The following CEP41 variants were observed in gnomAD, a reference collection of about 807,000 sequenced individuals.
The protein encoded by CEP41 is centrosomal protein of 41 kDa.
Under a neutral mutation model 44.3 loss-of-function variants are expected in CEP41, and 32 were observed. That is an observed-to-expected ratio of 0.72 (90% CI 0.54 to 0.97). The LOEUF (loss-of-function observed/expected upper bound fraction) is 0.97. CEP41 is among the 50% of genes least tolerant of loss of function. The pLI is 0.00. For missense variants in CEP41, 432 were observed against 455.2 expected (o/e 0.95, Z 0.46); for synonymous variants, 151 against 168.5 (o/e 0.90, Z 0.80).
At chr7:130,432,104 TGAA>T (rs1351941589) in intron 1 of CEP41, among the ~76,000 whole-genome samples, 1 of 152,062 alleles carries the variant, frequency 6.6e-6, no homozygotes, top group Admixed American at 6.6e-5. Context: ...GAGGGGTCAC[TGAA>T]GAAGTTTGAA....
chr7:130,428,677 G>T (rs1213813554), intron 1 of CEP41, among the ~76,000 whole-genome samples: 1 of 151,394 alleles, frequency 6.6e-6, no homozygotes, highest in Non-Finnish European at 1.5e-5. Context: ...ACTTTGGGAG[G>T]CCGAGGCAGG....
intron 2 of CEP41, chr7:130,421,131 C>G: frequency 1.0e-6 from 1 of 985,318 alleles, no homozygotes; most frequent in Non-Finnish European, 1.2e-6. Context: ...ACTATAGCAA[C>G]AGTGCTGTGC....
At chr7:130,426,085 G>A (rs1554423411) in intron 2 of CEP41, among the ~76,000 whole-genome samples, 1 of 152,216 alleles carries the variant, frequency 6.6e-6, no homozygotes, top group African/African-American at 2.4e-5. Flanking sequence ...TGTATCAAAT[G>A]TCAATATCAC....
intron 2 of CEP41, chr7:130,421,651 A>C: frequency 1.9e-6 from 2 of 1,057,062 alleles, no homozygotes; most frequent in South Asian, 8.9e-5. Flanking sequence ...TAATAAAAGG[A>C]AGGTGAATTT....
Position 130,400,827 on chromosome 7 carries a change from AG to A in CEP41, c.643-7del. 6.3e-7 allele frequency: 1 copy of A among 1,576,500 alleles called. No homozygotes were observed. Among genetic ancestry groups the A allele is most frequent in the Non-Finnish European group, 8.7e-7 (1 of 1,148,754 alleles). On this transcript the variant is annotated splice_polypyrimidine_tract_variant and splice_region_variant and intron_variant, in intron 8 of 10. Coordinates refer to ENST00000223208, the MANE Select transcript of CEP41 (RefSeq NM_018718.3). ...ATCTTGCCATGGGCATTTTTCTAAG[AG>A]TCAGATGAGTTAAGGTTCCAAGGCA...
intron 5 of CEP41, among the ~76,000 whole-genome samples, chr7:130,408,259 T>C (rs1443357601): frequency 2.0e-5 from 3 of 152,266 alleles, no homozygotes; most frequent in Non-Finnish European, 4.4e-5. Context: ...TTTGTTTTAT[T>C]GTTGTTTTAT....
At chr7:130,440,568 C>T (rs1003437439) in intron 1 of CEP41, 1 of 454,670 alleles carries the variant, frequency 2.2e-6, no homozygotes, top group Non-Finnish European at 4.1e-6. Flanking sequence ...ATCAGAGATG[C>T]TGGCTGGCTT....
intron 5 of CEP41, among the ~76,000 whole-genome samples, chr7:130,408,190 T>C (rs1425706680): frequency 6.6e-6 from 1 of 152,242 alleles, no homozygotes; most frequent in East Asian, 1.9e-4. Context: ...TATATTTTAC[T>C]TCTTCCCCCT....
chr7:130,426,874 G>A (rs192294866), intron 2 of CEP41: 38 of 261,568 alleles, frequency 1.5e-4, no homozygotes, highest in Admixed American at 7.7e-4. Flanking sequence ...CAAAATCCCC[G>A]TGCCACAATT....
chr7:130,400,923 C>T, intron 8 of CEP41, 102 bp from the exon 9 acceptor site: 4 of 782,310 alleles, frequency 5.1e-6, no homozygotes, highest in Non-Finnish European at 8.9e-6. Flanking sequence ...GTCTGAGTTC[C>T]CGGGAACGAT....
intron 1 of CEP41, among the ~76,000 whole-genome samples, chr7:130,438,066 C>T (rs1798029149): frequency 6.6e-6 from 1 of 152,210 alleles, no homozygotes; most frequent in Non-Finnish European, 1.5e-5. Context: ...ACTCCTAAAA[C>T]TATTCCTCCT....
intron 2 of CEP41, among the ~76,000 whole-genome samples, chr7:130,423,867 C>T (rs1797582674): frequency 1.3e-5 from 2 of 151,782 alleles, no homozygotes; most frequent in South Asian, 4.2e-4. Flanking sequence ...ACATAAAAGG[C>T]TACATACTGT....
Position 130,412,258 on chromosome 7 carries a change from A to C in CEP41, c.146-18T>G, listed in dbSNP as rs202065857. ...TCTATAATCTGAAAAATATGGTAAG[A>C]CAAGTATTTATCTATTTTGCTTTTT... On this transcript the variant is annotated intron_variant, in intron 3 of 10. Coordinates refer to ENST00000223208, the MANE Select transcript of CEP41 (RefSeq NM_018718.3). The C allele has an allele frequency of 7.9e-7, 1 of 1,265,150 alleles. No homozygotes were observed. Among genetic ancestry groups the C allele is most frequent in the African/African-American group, 1.5e-5 (1 of 68,208 alleles). 78.4% of individuals were successfully genotyped at this position (1,265,150 alleles called of 1,614,324 possible).
chr7:130,397,132 C>G lies in CEP41; in HGVS notation c.*1759G>C, dbSNP rs1554415019. Reference sequence around the variant, plus strand: ...AAAAATGTGCATTTTTCTATCTATGCTGTAAAGAAAATACAAAGCCAGAGC... The same window carrying G: ...AAAAATGTGCATTTTTCTATCTATGGTGTAAAGAAAATACAAAGCCAGAGC... On this transcript the variant is annotated 3_prime_UTR_variant, in exon 11 of 11. Coordinates refer to ENST00000223208, the MANE Select transcript of CEP41 (RefSeq NM_018718.3). 3 of 454,464 alleles carry G rather than the reference C, an allele frequency of 6.6e-6. No homozygotes were observed. The highest frequency in any genetic ancestry group is 4.7e-5 in the South Asian group (3 of 64,470). The allele number at this position is 454,464 out of a possible 1,614,324, so 28.2% of individuals were successfully genotyped here. A position where few individuals can be genotyped will look rare whatever the true frequency, so the allele number is the denominator to read the frequency against.
At chr7:130,402,260 C>G (rs550022125) in intron 7 of CEP41, among the ~76,000 whole-genome samples, 1 of 150,398 alleles carries the variant, frequency 6.6e-6, no homozygotes, top group Admixed American at 6.7e-5. Context: ...GTAGGAGGAT[C>G]ACTTGAGCCC....
chr7:130,427,879 A>G (rs1303641548), intron 2 of CEP41, 76 bp downstream of exon 2: 4 of 923,234 alleles, frequency 4.3e-6, no homozygotes, highest in African/African-American at 1.6e-5. Flanking sequence ...GATTTATACC[A>G]GATATGTGGG....
chr7:130,398,010 C>A lies in CEP41; in HGVS notation c.*881G>T, dbSNP rs782801860. The A allele has an allele frequency of 2.2e-6, 1 of 454,180 alleles. No individual in the cohort carries two copies. 28.1% of individuals were successfully genotyped at this position (454,180 alleles called of 1,614,324 possible). On this transcript the variant is annotated 3_prime_UTR_variant, in exon 11 of 11. Transcript: ENST00000223208. ...CCTTGTGTGTCCACAGTTGTCCAAC[C>A]AAAGCTGGTATTTTCAACTGGCCAT...
chr7:130,420,131 G>C (rs1797459113), intron 2 of CEP41: 1 of 902,786 alleles, frequency 1.1e-6, no homozygotes, highest in Non-Finnish European at 1.3e-6. Flanking sequence ...GGACCAGCCT[G>C]GGCAAAATAG....
chr7:130,426,643 T>G, intron 2 of CEP41: 1 of 456,176 alleles, frequency 2.2e-6, no homozygotes, highest in Non-Finnish European at 4.4e-6. Flanking sequence ...CAGAATCACT[T>G]ACTTCAGAAG....
Sources: allele counts gnomAD v4.1 joint callset (sites outside exome capture counted in the v4.1 genomes callset), GRCh38; gene constraint gnomAD v4.1.1; transcripts MANE v1.5; gene names NCBI Gene and HGNC (gene_info 2026-07-23, HGNC 2026-07-21).